RNF168: variants seen among roughly 807,000 people sequenced by gnomAD.
The protein encoded by RNF168 is E3 ubiquitin-protein ligase RNF168.
Under a neutral mutation model 34.9 loss-of-function variants are expected in RNF168, and 34 were observed. The observed-to-expected ratio is 0.97, with a 90% CI of 0.74 to 1.30. The LOEUF (loss-of-function observed/expected upper bound fraction) is 1.30, where lower values mean the gene tolerates loss of function less well. Ranked by LOEUF, RNF168 falls within the 50% of genes most tolerant of loss-of-function variation. The pLI, the probability that RNF168 is intolerant of heterozygous loss-of-function variation, is 0.00. For synonymous variants in RNF168, 264 were observed against 254.7 expected, an observed-to-expected ratio of 1.04 and a Z score of -0.35; for missense variants, 725 against 682.5, an observed-to-expected ratio of 1.06 and a Z score of -0.69.
chr3:196,487,882 C>T (rs1375817628), intron 2 of RNF168, among the ~76,000 whole-genome samples: 3 of 152,166 alleles, frequency 2.0e-5, no homozygotes, highest in Non-Finnish European at 2.9e-5. Flanking sequence ...TGTATAACTT[C>T]ATATGTAATT....
intron 4 of RNF168, among the ~76,000 whole-genome samples, chr3:196,477,915 C>T (rs1453059132): frequency 6.6e-6 from 1 of 151,786 alleles, no homozygotes; most frequent in East Asian, 1.9e-4. Context: ...CCCATCTCTA[C>T]AAAAAATTAA....
At chr3:196,497,656 A>T (rs1200880172) in intron 1 of RNF168, among the ~76,000 whole-genome samples, 1 of 151,728 alleles carries the variant, frequency 6.6e-6, no homozygotes, top group African/African-American at 2.4e-5. Context: ...GACACAACGA[A>T]ATTCAGTCTC....
At chr3:196,497,030 C>T (rs1341961129) in intron 1 of RNF168, among the ~76,000 whole-genome samples, 1 of 152,008 alleles carries the variant, frequency 6.6e-6, no homozygotes. Flanking sequence ...CCTGTAATCG[C>T]AGCTACTCAG....
chr3:196,486,425 TG>T (rs1374247905), intron 3 of RNF168, among the ~76,000 whole-genome samples: 2 of 152,106 alleles, frequency 1.3e-5, no homozygotes, highest in Non-Finnish European at 2.9e-5. Flanking sequence ...CTCAAACTCC[TG>T]GGCTCAAGGG....
rs112051137 is a variant in RNF168, at chr3:196,483,723, G to A, written c.680+47C>T. The stretch of plus-strand genomic sequence containing the variant: ...TAGTCTATATGAACAGAAAACACTG[G>A]CATACAGTAGGAGGTCAACAAATAA... On this transcript the variant is annotated intron_variant, in intron 4 of 5. Coordinates refer to ENST00000318037, the MANE Select transcript of RNF168 (RefSeq NM_152617.4). The A allele has an allele frequency of 3.3e-6, 5 of 1,526,120 alleles. No homozygotes were observed. In the African/African-American group the frequency reaches 4.1e-5, roughly 13 times the overall value. 94.5% of individuals were successfully genotyped at this position (1,526,120 alleles called of 1,614,324 possible).
intron 3 of RNF168, 36 bp downstream of exon 3, chr3:196,487,363 G>A: frequency 6.4e-7 from 1 of 1,553,900 alleles, no homozygotes; most frequent in Non-Finnish European, 8.9e-7. Context: ...CATACCAAGG[G>A]ATGACCATAC....
chr3:196,483,477 T>A (rs1396998012), intron 4 of RNF168, among the ~76,000 whole-genome samples: 1 of 152,230 alleles, frequency 6.6e-6, no homozygotes, highest in Non-Finnish European at 1.5e-5. Flanking sequence ...GGACCCATTT[T>A]TTTCATCTGA....
At chr3:196,502,703 A>G (rs141424086) in intron 1 of RNF168, among the ~76,000 whole-genome samples, 170 bp downstream of exon 1, 193 of 152,276 alleles carry the variant, frequency 1.3e-3, no homozygotes, top group African/African-American at 3.3e-3. Context: ...CCTTGACTTT[A>G]TAATCCATCG....
intron 2 of RNF168, 126 bp downstream of exon 2, chr3:196,488,481 C>CAAAA: frequency 2.1e-6 from 1 of 486,284 alleles, no homozygotes; most frequent in South Asian, 2.2e-5. Context: ...GACTCCATCT[C>CAAAA]AAAAAAAAAA....
In RNF168 at chr3:196,502,918, T is replaced by C; in HGVS notation, c.256A>G (p.Arg86Gly). ...LWTIIQKHYP[R>G]ECKLRASGQE... is the part of the protein sequence containing the mutation. Reference sequence around the variant, plus strand: ...CCAGACGCTCTAAGCTTGCACTCCCTGGGATAGTGTTTTTGAATTATCGTC... The same window carrying C: ...CCAGACGCTCTAAGCTTGCACTCCCCGGGATAGTGTTTTTGAATTATCGTC... The change falls in exon 1 of 6, where the codon AGG (arginine) becomes GGG (glycine). Residue 86 changes from arginine (R) to glycine (G), a missense_variant. Physicochemically the swap from Arg to Gly is moderately radical, Grantham distance 125. Transcript: ENST00000318037. 1.2e-6 allele frequency: 2 copies of C among 1,614,068 alleles called. No individual in the cohort carries two copies. The highest frequency in any genetic ancestry group is 1.1e-5 in the South Asian group (1 of 91,082).
At chr3:196,486,926 T>C (rs1732440946) in intron 3 of RNF168, among the ~76,000 whole-genome samples, 1 of 152,106 alleles carries the variant, frequency 6.6e-6, no homozygotes, top group South Asian at 2.1e-4. Flanking sequence ...CCAGGCATGG[T>C]AGTGCCAGCC....
In RNF168 at chr3:196,489,994, G is replaced by C. The variant is rs182488701; in HGVS notation, c.302-1311C>G. Among the ~76,000 whole-genome samples the C allele has an allele frequency of 6.7e-3, 1,024 of 152,286 alleles. 15 individuals are homozygous for C. Among genetic ancestry groups the C allele is most frequent in the Middle Eastern group, 0.024 (7 of 294 alleles). On this transcript the variant is annotated intron_variant, in intron 1 of 5. Transcript: ENST00000318037. Reference sequence around the variant, plus strand: ...ACCCAGAGCAAAGTCCTCTGCGATCGGGCAGTTAGGGATGGCAAAGCACAA... The same window carrying C: ...ACCCAGAGCAAAGTCCTCTGCGATCCGGCAGTTAGGGATGGCAAAGCACAA...
intron 4 of RNF168, among the ~76,000 whole-genome samples, chr3:196,482,960 ATATT>A (rs1423108030): frequency 2.6e-5 from 4 of 152,116 alleles, no homozygotes; most frequent in Non-Finnish European, 4.4e-5. Context: ...TTCAAAGTAT[ATATT>A]TAGATATATA....
At position 196,469,758 on chromosome 3, in the gene RNF168, T is replaced by C. The variant is rs1731954806; in HGVS notation, c.*2061A>G. The C allele has an allele frequency of 6.6e-6, 1 of 152,324 alleles. No homozygotes were observed. Among genetic ancestry groups the C allele is most frequent in the Admixed American group, 6.5e-5 (1 of 15,298 alleles). 9.4% of individuals were successfully genotyped at this position (152,324 alleles called of 1,614,324 possible). On this transcript the variant is annotated 3_prime_UTR_variant, in exon 6 of 6. Transcript: ENST00000318037. ...TGTTCATAAACTCAAATAAAAGCAG[T>C]ATCAACACAAATGATCATATAAGAA... is the stretch of plus-strand genomic sequence containing the variant.
At chr3:196,477,660 T>C (rs1209925764) in intron 4 of RNF168, among the ~76,000 whole-genome samples, 1 of 152,230 alleles carries the variant, frequency 6.6e-6, no homozygotes, top group East Asian at 1.9e-4. Flanking sequence ...GTTATAACAG[T>C]TGTTTTGACG....
intron 1 of RNF168, among the ~76,000 whole-genome samples, chr3:196,489,532 G>A (rs1468051314): frequency 6.6e-6 from 1 of 151,866 alleles, no homozygotes; most frequent in East Asian, 1.9e-4. Flanking sequence ...TTGCCATGTT[G>A]GCCAGGCTGG....
chr3:196,474,125 T>A (rs1379047588), intron 5 of RNF168, among the ~76,000 whole-genome samples: 2 of 84,002 alleles, frequency 2.4e-5, no homozygotes, highest in African/African-American at 1.3e-4. Flanking sequence ...CATCTTGCAA[T>A]TTTTTTTTTT....
intron 1 of RNF168, among the ~76,000 whole-genome samples, chr3:196,494,324 T>C (rs1190619095): frequency 6.6e-6 from 1 of 152,240 alleles, no homozygotes. Context: ...ATTCCTACTC[T>C]ACTCGATATT....
chr3:196,500,134 C>T (rs1430608864), intron 1 of RNF168, among the ~76,000 whole-genome samples: 1 of 152,144 alleles, frequency 6.6e-6, no homozygotes, highest in Non-Finnish European at 1.5e-5. Flanking sequence ...ACCATAGGAT[C>T]TAGAAATTCC....
Sources: allele counts gnomAD v4.1 joint callset (sites outside exome capture counted in the v4.1 genomes callset), GRCh38; gene constraint gnomAD v4.1.1; transcripts MANE v1.5; gene names NCBI Gene and HGNC (gene_info 2026-07-23, HGNC 2026-07-21).